The following DTNA variants were observed in gnomAD, a reference collection of about 807,000 sequenced individuals.
DTNA encodes the protein dystrophin-related protein 3.
DTNA carries 43 observed loss-of-function variants against 100.7 expected under a neutral mutation model. The ratio of observed to expected loss-of-function variants is 0.43; its 90% CI spans 0.33 to 0.55. The LOEUF (loss-of-function observed/expected upper bound fraction) is 0.55, where lower values mean the gene tolerates loss of function less well. Among genes scored for constraint, DTNA ranks in the 20% least tolerant of loss-of-function variants. The probability of loss-of-function intolerance (pLI) is 0.04; values close to 1 mark genes in which losing one functional copy is unlikely to be tolerated. For missense variants in DTNA, 798 were observed against 953.9 expected, an observed-to-expected ratio of 0.84 and a Z score of 2.15; for synonymous variants, 349 against 347.9, an observed-to-expected ratio of 1.00 and a Z score of -0.04.
At chr18:34,885,845 GA>G (rs2096916888) in intron 22 of DTNA, among the ~76,000 whole-genome samples, 1 of 152,228 alleles carries the variant, frequency 6.6e-6, no homozygotes, top group Non-Finnish European at 1.5e-5. Flanking sequence ...CTGGGACCCA[GA>G]ACTAGCTTGC....
At chr18:34,708,818 A>G (rs1038356706), upstream of DTNA, among the ~76,000 whole-genome samples, 1 of 152,230 alleles carries the variant, frequency 6.6e-6, no homozygotes, top group Non-Finnish European at 1.5e-5. Flanking sequence ...AGCATTTAGT[A>G]TGCTTCAAGC....
rs1205370861 is a variant in DTNA at position 34,863,962 on chromosome 18, T to C, written c.1647-4T>C. On this transcript the variant is annotated splice_polypyrimidine_tract_variant and splice_region_variant and intron_variant, in intron 16 of 22. Coordinates refer to ENST00000444659, the MANE Select transcript of DTNA (RefSeq NM_001386795.1). Reference sequence around the variant, plus strand: ...GCTTCTGATGTCAGCTGCTTCTTTCTTAGACAGCGCAAAGATGAGCTGGAA... The same window carrying C: ...GCTTCTGATGTCAGCTGCTTCTTTCCTAGACAGCGCAAAGATGAGCTGGAA... The C allele has an allele frequency of 6.2e-7, 1 of 1,607,530 alleles. No individual in the cohort carries two copies. The highest frequency in any genetic ancestry group is 1.3e-5 in the African/African-American group (1 of 74,840).
intron 11 of DTNA, among the ~76,000 whole-genome samples, chr18:34,834,646 A>G (rs1044190252): frequency 2.6e-5 from 4 of 152,170 alleles, no homozygotes; most frequent in Non-Finnish European, 4.4e-5. Flanking sequence ...CCAAGATCAC[A>G]TGAGGAGAGA....
intron 1 of DTNA, among the ~76,000 whole-genome samples, chr18:34,615,311 A>G (rs2055034032): frequency 1.3e-5 from 2 of 152,286 alleles, no homozygotes; most frequent in African/African-American, 2.4e-5. Context: ...ATGCGCCCCC[A>G]TGACCCAAAC....
In DTNA at chr18:34,882,157, A is replaced by G. The variant is rs1273298767; in HGVS notation, c.2251A>G (p.Met751Val). ...CCGGCAGCTGGAGAATGAGCTCCAG[A>G]TGGAGGAATACCTGAAACAGAAGCT... ...SVRQLENELQ[M>V]EEYLKQKLQD... Residue 751 changes from methionine to valine, a missense_variant, in exon 21 of 23, where the codon ATG (methionine) becomes GTG (valine). This residue lies in a region of DTNA where 242 missense variants were observed against 238.2 expected (regional missense o/e 1.02). Transcript: ENST00000444659. 1.2e-5 allele frequency: 19 copies of G among 1,613,936 alleles called. No homozygotes were observed. Among genetic ancestry groups the G allele is most frequent in the Non-Finnish European group, 1.5e-5 (18 of 1,179,994 alleles).
intron 1 of DTNA, among the ~76,000 whole-genome samples, chr18:34,557,448 G>A (rs532797716): frequency 1.7e-3 from 262 of 152,152 alleles, no homozygotes; most frequent in African/African-American, 5.9e-3. Flanking sequence ...GGCGCTCTGC[G>A]TTTCAGAGTT....
intron 1 of DTNA, among the ~76,000 whole-genome samples, chr18:34,509,946 A>T (rs1220727656): frequency 6.6e-6 from 1 of 152,088 alleles, no homozygotes; most frequent in African/African-American, 2.4e-5. Flanking sequence ...CCCAAAGGAA[A>T]TGGTATTCTA....
At chr18:34,659,385 A>T (rs1053154786) in intron 1 of DTNA, among the ~76,000 whole-genome samples, 2 of 150,730 alleles carry the variant, frequency 1.3e-5, no homozygotes, top group African/African-American at 4.9e-5. Context: ...TGTAGATTTT[A>T]CACTTCCAAC....
intron 5 of DTNA, among the ~76,000 whole-genome samples, chr18:34,806,607 G>A (rs1330295503): frequency 3.3e-5 from 5 of 152,142 alleles, no homozygotes; most frequent in African/African-American, 7.2e-5. Flanking sequence ...TGCCTTACAC[G>A]TGGTACAGGA....
At chr18:34,821,597 G>A (rs1434724248) in intron 9 of DTNA, 3 of 427,544 alleles carry the variant, frequency 7.0e-6, no homozygotes, top group East Asian at 1.4e-4. Flanking sequence ...GATAACAAGG[G>A]GGCTTAGGTA....
chr18:34,878,533 T>G (rs1226511433), intron 19 of DTNA, among the ~76,000 whole-genome samples: 1 of 152,144 alleles, frequency 6.6e-6, no homozygotes, highest in Non-Finnish European at 1.5e-5. Flanking sequence ...CTTGAACTCC[T>G]GGGCTCAAAC....
intron 1 of DTNA, among the ~76,000 whole-genome samples, chr18:34,666,775 G>A (rs2075992904): frequency 6.6e-6 from 1 of 152,062 alleles, no homozygotes; most frequent in Non-Finnish European, 1.5e-5. Context: ...TGTTCCATTG[G>A]TCTACATCTC....
intron 16 of DTNA, among the ~76,000 whole-genome samples, chr18:34,861,211 C>T (rs2096620462): frequency 6.6e-6 from 1 of 151,968 alleles, no homozygotes; most frequent in African/African-American, 2.4e-5. Flanking sequence ...AACGGCCGGG[C>T]GCGGTGGCTC....
chr18:34,644,047 A>G (rs1427815889), intron 1 of DTNA, among the ~76,000 whole-genome samples: 1 of 152,154 alleles, frequency 6.6e-6, no homozygotes. Context: ...TGTGAGGGAT[A>G]ATAGAAAATG....
chr18:34,596,362 G>A (rs1446281438), intron 1 of DTNA, among the ~76,000 whole-genome samples: 2 of 152,114 alleles, frequency 1.3e-5, no homozygotes, highest in Non-Finnish European at 2.9e-5. Context: ...GGGATTACAG[G>A]CACATGCCAC....
chr18:34,783,451 G>C (rs1364543193), intron 3 of DTNA, among the ~76,000 whole-genome samples: 1 of 152,172 alleles, frequency 6.6e-6, no homozygotes, highest in East Asian at 1.9e-4. Context: ...GGAAATTAAA[G>C]TGAAACTAAA....
intron 1 of DTNA, among the ~76,000 whole-genome samples, chr18:34,523,551 G>T (rs2042336324): frequency 6.6e-6 from 1 of 152,070 alleles, no homozygotes. Flanking sequence ...CCCTACATAA[G>T]ATTCATGGGC....
intron 1 of DTNA, among the ~76,000 whole-genome samples, chr18:34,545,263 A>G (rs764718686): frequency 6.6e-5 from 10 of 152,082 alleles, no homozygotes; most frequent in Non-Finnish European, 1.0e-4. Context: ...TGGACACTGG[A>G]TCTGGAAGTC....
At chr18:34,748,230 G>A (rs993158036) in intron 1 of DTNA, among the ~76,000 whole-genome samples, 1 of 35,604 alleles carries the variant, frequency 2.8e-5, no homozygotes, top group South Asian at 7.8e-3. Flanking sequence ...TGCATAGTTT[G>A]AGAAGATTTT....
Sources: allele counts gnomAD v4.1 joint callset (sites outside exome capture counted in the v4.1 genomes callset), GRCh38; gene constraint gnomAD v4.1.1; regional missense constraint gnomAD v4.1.1; transcripts MANE v1.5; gene names NCBI Gene and HGNC (gene_info 2026-07-23, HGNC 2026-07-21).